Variants in HDAC9 observed in about 807,000 individuals in gnomAD.
HDAC9 encodes the protein histone deacetylase 9.
Under a neutral mutation model 139.4 loss-of-function variants are expected in HDAC9, and 41 were observed. The observed-to-expected ratio is 0.29, with a 90% CI of 0.23 to 0.38. The LOEUF is 0.38. Among genes scored for constraint, HDAC9 ranks in the 10% least tolerant of loss-of-function variants. The probability of loss-of-function intolerance (pLI) is 1.00; values close to 1 mark genes in which losing one functional copy is unlikely to be tolerated. For missense variants in HDAC9, 1,147 were observed against 1,297.0 expected (o/e 0.88, Z 1.78); for synonymous variants, 517 against 476.2 (o/e 1.09, Z -1.12).
chr7:18,656,045 C>CTG (rs1791025914), intron 11 of HDAC9, among the ~76,000 whole-genome samples: 1 of 142,808 alleles, frequency 7.0e-6, no homozygotes, highest in Non-Finnish European at 1.5e-5. Flanking sequence ...GGGTAGCAGT[C>CTG]TCTTTTTTTT....
At position 18,963,670 on chromosome 7, in the gene HDAC9, A is replaced by C. The variant is rs923600530; in HGVS notation, c.3022+9440A>C. 2.0e-5 allele frequency among the ~76,000 whole-genome samples: 3 copies of C among 152,156 alleles called. No homozygotes were observed. In the South Asian group the frequency reaches 6.2e-4, roughly 31 times the overall value. ...ATAACAGAGTTTTCTTTTTTTCTAA[A>C]GACATAAACTCCTATGGATAAAGAA... On this transcript the variant is annotated intron_variant, in intron 24 of 25. Coordinates refer to ENST00000686413, the MANE Select transcript of HDAC9 (RefSeq NM_178425.4).
At chr7:18,707,124 G>C (rs983240756) in intron 12 of HDAC9, among the ~76,000 whole-genome samples, 1 of 152,204 alleles carries the variant, frequency 6.6e-6, no homozygotes, top group Non-Finnish European at 1.5e-5. Context: ...AAGCCACAAA[G>C]AGAGGGAGGA....
chr7:18,880,732 A>G (rs938402287), intron 22 of HDAC9, among the ~76,000 whole-genome samples: 5 of 151,968 alleles, frequency 3.3e-5, no homozygotes, highest in Admixed American at 1.3e-4. Flanking sequence ...AATCTGTACA[A>G]TAAAAACCTG....
At chr7:18,330,226 T>C (rs1320140886) in intron 1 of HDAC9, among the ~76,000 whole-genome samples, 1 of 151,672 alleles carries the variant, frequency 6.6e-6, no homozygotes. Context: ...CTTCACACTT[T>C]AGTGAAGCTC....
At chr7:18,228,251 C>G (rs923288509) in intron 2 of HDAC9, among the ~76,000 whole-genome samples, 2 of 150,546 alleles carry the variant, frequency 1.3e-5, no homozygotes, top group South Asian at 4.2e-4. Context: ...CTATTGTTGC[C>G]AAGTCATTTT....
In HDAC9 at chr7:18,495,996, C is replaced by T; in HGVS notation, c.-69C>T. On this transcript the variant is annotated 5_prime_UTR_variant, in exon 1 of 26. Transcript: ENST00000686413. ...CTAAACTCCAGAGAGCTATAGCATC[C>T]ACTCTGTCCTTTCTGCTTTGCACAC... The T allele has an allele frequency of 1.4e-6, 2 of 1,379,336 alleles. No homozygotes were observed. Among genetic ancestry groups the T allele is most frequent in the South Asian group, 3.7e-5 (2 of 53,516 alleles). 85.4% of individuals were successfully genotyped at this position (1,379,336 alleles called of 1,614,324 possible).
At chr7:18,662,045 G>A (rs1021967859) in intron 11 of HDAC9, among the ~76,000 whole-genome samples, 2 of 152,044 alleles carry the variant, frequency 1.3e-5, no homozygotes, top group African/African-American at 4.8e-5. Context: ...TGGAAACTCA[G>A]GGGTTTGTTA....
chr7:18,596,205 G>C (rs1453346638), intron 6 of HDAC9, among the ~76,000 whole-genome samples: 1 of 152,002 alleles, frequency 6.6e-6, no homozygotes, highest in Non-Finnish European at 1.5e-5. Flanking sequence ...AAGCATCGTA[G>C]CAATAAAGTT....
At chr7:18,385,938 A>G (rs1413051729) in intron 1 of HDAC9, among the ~76,000 whole-genome samples, 1 of 151,968 alleles carries the variant, frequency 6.6e-6, no homozygotes, top group African/African-American at 2.4e-5. Flanking sequence ...CTCACATTCC[A>G]TATACCCAAA....
chr7:18,204,961 T>C (rs1791391374), intron 2 of HDAC9, among the ~76,000 whole-genome samples: 2 of 152,102 alleles, frequency 1.3e-5, no homozygotes, highest in South Asian at 4.1e-4. Context: ...AAAAAAATAT[T>C]CAATTCTATT....
chr7:18,178,841 A>G (rs1033515166), intron 2 of HDAC9, among the ~76,000 whole-genome samples: 2 of 152,232 alleles, frequency 1.3e-5, no homozygotes, highest in African/African-American at 4.8e-5. Flanking sequence ...CATCCGGCTT[A>G]AAATTTGTGA....
intron 1 of HDAC9, among the ~76,000 whole-genome samples, chr7:18,488,259 G>A (rs1796116258): frequency 6.6e-6 from 1 of 151,986 alleles, no homozygotes; most frequent in African/African-American, 2.4e-5. Context: ...GCATTTCAAA[G>A]TAGACACTGT....
intron 2 of HDAC9, among the ~76,000 whole-genome samples, chr7:18,511,500 G>A (rs566763029): frequency 7.7e-4 from 117 of 152,210 alleles, no homozygotes; most frequent in Non-Finnish European, 1.4e-3. Context: ...GGGAGGCTGC[G>A]GTGGGAGGAT....
chr7:18,665,618 T>C (rs1025526066), intron 11 of HDAC9, among the ~76,000 whole-genome samples: 11 of 152,190 alleles, frequency 7.2e-5, no homozygotes, highest in Admixed American at 3.9e-4. Context: ...GTTAATTTTT[T>C]TTAAATCATA....
intron 1 of HDAC9, among the ~76,000 whole-genome samples, chr7:18,299,986 G>A (rs1019296047): frequency 1.3e-5 from 2 of 152,112 alleles, no homozygotes; most frequent in African/African-American, 4.8e-5. Context: ...AGCAGTTGAG[G>A]TCCTAAGAGA....
rs185889307 is a variant in HDAC9 at position 18,268,590 on chromosome 7, A to G, written c.25+106241A>G. On this transcript the variant is annotated intron_variant, in intron 2 of 12. Coordinates refer to the HDAC9 transcript ENST00000417496. ...TTAATTAAAGTTTAAAGAGAAAAAGAAACTATTGGAAAGATATTGGAACTA... is the reference window on the plus strand; with the variant it reads ...TTAATTAAAGTTTAAAGAGAAAAAGGAACTATTGGAAAGATATTGGAACTA... Among the ~76,000 whole-genome samples, 965 of 152,274 alleles carry G rather than the reference A, an allele frequency of 6.3e-3. 20 individuals carry two copies. Among genetic ancestry groups the G allele is most frequent in the Non-Finnish European group, 4.1e-3 (281 of 68,004 alleles).
chr7:18,732,778 TAC>T (rs1397286114), intron 13 of HDAC9, among the ~76,000 whole-genome samples: 3 of 84,302 alleles, frequency 3.6e-5, no homozygotes, highest in African/African-American at 1.4e-4. Flanking sequence ...TGCGTATGTG[TAC>T]ACACACGTGT....
intron 25 of HDAC9, among the ~76,000 whole-genome samples, chr7:18,986,954 A>C (rs1389446975): frequency 6.6e-6 from 1 of 152,188 alleles, no homozygotes; most frequent in Non-Finnish European, 1.5e-5. Flanking sequence ...TTATCAGCTT[A>C]AGGAGATTTT....
intron 1 of HDAC9, among the ~76,000 whole-genome samples, chr7:18,403,638 TG>T (rs1308495116): frequency 6.6e-6 from 1 of 152,174 alleles, no homozygotes; most frequent in Non-Finnish European, 1.5e-5. Context: ...AATACGTAAA[TG>T]AACCCTAGGT....
Sources: allele counts gnomAD v4.1 joint callset (sites outside exome capture counted in the v4.1 genomes callset), GRCh38; gene constraint gnomAD v4.1.1; transcripts MANE v1.5; gene names NCBI Gene and HGNC (gene_info 2026-07-23, HGNC 2026-07-21).